MEI1: variants seen among roughly 807,000 people sequenced by gnomAD.
The protein encoded by MEI1 is meiosis inhibitor protein 1.
Under a neutral mutation model 146.2 loss-of-function variants are expected in MEI1, and 103 were observed. The ratio of observed to expected loss-of-function variants is 0.70; its 90% CI spans 0.60 to 0.83. The LOEUF (loss-of-function observed/expected upper bound fraction) is 0.83. Ranked by LOEUF, MEI1 falls within the 40% of genes least tolerant of loss-of-function variation. The probability of loss-of-function intolerance (pLI) is 0.00; values close to 1 mark genes in which losing one functional copy is unlikely to be tolerated. For missense variants in MEI1, 1,529 were observed against 1,533.0 expected (o/e 1.00, Z 0.04); for synonymous variants, 652 against 628.2 (o/e 1.04, Z -0.57).
intron 3 of MEI1, among the ~76,000 whole-genome samples, chr22:41,707,563 A>G (rs1440341657): frequency 2.0e-5 from 3 of 152,050 alleles, no homozygotes; most frequent in Non-Finnish European, 4.4e-5. Context: ...GGTCCTAGCT[A>G]CTCAGGAGAT....
intron 17 of MEI1, among the ~76,000 whole-genome samples, chr22:41,756,574 A>G (rs1375261240): frequency 1.3e-5 from 2 of 151,930 alleles, no homozygotes; most frequent in Non-Finnish European, 2.9e-5. Context: ...CCCGGGTTCA[A>G]GCAATTCTCC....
At chr22:41,760,125 C>A (rs187274110) in intron 18 of MEI1, among the ~76,000 whole-genome samples, 1 of 151,486 alleles carries the variant, frequency 6.6e-6, no homozygotes, top group African/African-American at 2.4e-5. Flanking sequence ...ATGGCTAACA[C>A]GGTGAAACCC....
intron 18 of MEI1, 120 bp downstream of exon 18, chr22:41,758,653 T>A: frequency 1.9e-6 from 2 of 1,042,384 alleles, no homozygotes; most frequent in Non-Finnish European, 2.7e-6. Context: ...CGGGGATAAG[T>A]AAGAAATGGG....
intron 20 of MEI1, chr22:41,774,577 C>T (rs2075348391): frequency 1.3e-5 from 2 of 152,278 alleles, no homozygotes; most frequent in African/African-American, 4.8e-5. Flanking sequence ...TTTTCTGAGT[C>T]TCTACAAGGT....
chr22:41,757,503 G>A (rs532428264), intron 17 of MEI1, among the ~76,000 whole-genome samples: 4 of 151,938 alleles, frequency 2.6e-5, no homozygotes, highest in East Asian at 1.9e-4. Context: ...GATTACAGGC[G>A]CCCGCCATCA....
intron 19 of MEI1, among the ~76,000 whole-genome samples, chr22:41,766,307 G>A (rs544318444): frequency 6.6e-6 from 1 of 152,086 alleles, no homozygotes; most frequent in Admixed American, 6.6e-5. Context: ...AAGTAGCTGG[G>A]ATTACAGGTG....
At chr22:41,716,854 T>C (rs2070251379) in intron 5 of MEI1, among the ~76,000 whole-genome samples, 1 of 151,830 alleles carries the variant, frequency 6.6e-6, no homozygotes, top group Admixed American at 6.6e-5. Context: ...CATGCCTGGC[T>C]AATTTTTTGT....
intron 3 of MEI1, among the ~76,000 whole-genome samples, chr22:41,710,908 C>T (rs1205042911): frequency 6.6e-6 from 1 of 152,148 alleles, no homozygotes; most frequent in Non-Finnish European, 1.5e-5. Context: ...AGGGAAAGTC[C>T]GTGTTGTTGA....
At chr22:41,705,048 G>A (rs2068983194) in intron 2 of MEI1, among the ~76,000 whole-genome samples, 1 of 152,212 alleles carries the variant, frequency 6.6e-6, no homozygotes, top group South Asian at 2.1e-4. Context: ...GCAGGTCATC[G>A]AAAGTCAAAG....
At chr22:41,768,559 T>G (rs536195166) in intron 19 of MEI1, among the ~76,000 whole-genome samples, 1 of 152,272 alleles carries the variant, frequency 6.6e-6, no homozygotes, top group South Asian at 2.1e-4. Context: ...GACAAGAGAT[T>G]TATGTGACTC....
chr22:41,786,606 G>C (rs1270746262), intron 26 of MEI1, among the ~76,000 whole-genome samples: 1 of 152,196 alleles, frequency 6.6e-6, no homozygotes, highest in African/African-American at 2.4e-5. Flanking sequence ...TCCCAGAATT[G>C]AGTCTCATTA....
chr22:41,795,848 G>A lies in MEI1; in HGVS notation c.3779+1G>A. On this transcript the variant is annotated splice_donor_variant, in intron 30 of 30. Coordinates refer to ENST00000401548, the MANE Select transcript of MEI1 (RefSeq NM_152513.4). LOFTEE classifies it high-confidence loss of function. This position sits in a 1 kb window ranked among gnomAD's most constrained non-coding sequence, Gnocchi z 4.2. ...GCCAGCCACCCCTGCAGGACATGCT[G>A]TATCCTTTCTTGCATCTATGATGAA... The A allele has an allele frequency of 1.2e-6, 2 of 1,613,476 alleles. No individual in the cohort carries two copies. The highest frequency in any genetic ancestry group is 1.3e-5 in the African/African-American group (1 of 74,958).
At chr22:41,699,816 C>T (rs1189551115) in intron 1 of MEI1, 104 bp downstream of exon 1, 2 of 1,356,932 alleles carry the variant, frequency 1.5e-6, no homozygotes, top group African/African-American at 2.9e-5. Flanking sequence ...CGACGCGAAA[C>T]CGGGCCCCCG....
At chr22:41,786,553 G>A (rs970666450) in intron 26 of MEI1, among the ~76,000 whole-genome samples, 29 of 152,190 alleles carry the variant, frequency 1.9e-4, no homozygotes, top group Non-Finnish European at 3.8e-4. Context: ...GTAGCTCCTA[G>A]CTTATATCCT....
intron 30 of MEI1, among the ~76,000 whole-genome samples, chr22:41,798,532 C>T (rs914280838): frequency 1.1e-4 from 16 of 151,168 alleles, no homozygotes; most frequent in Non-Finnish European, 2.1e-4. Context: ...GAGCCAAGAT[C>T]GCGCCACTGT....
intron 18 of MEI1, among the ~76,000 whole-genome samples, 162 bp from the exon 19 acceptor site, chr22:41,763,012 C>A (rs763184101): frequency 6.6e-6 from 1 of 152,150 alleles, no homozygotes; most frequent in African/African-American, 2.4e-5. Flanking sequence ...TATGGCAGTG[C>A]TTTGTAAGTA....
At chr22:41,798,694 C>A (rs531764731) in intron 30 of MEI1, among the ~76,000 whole-genome samples, 20 of 152,082 alleles carry the variant, frequency 1.3e-4, no homozygotes, top group African/African-American at 4.6e-4. Flanking sequence ...ATGGTAAAAC[C>A]CCATCTCTAC....
At chr22:41,753,823 G>A (rs1465131735) in intron 16 of MEI1, 126 bp from the exon 17 acceptor site, 4 of 718,568 alleles carry the variant, frequency 5.6e-6, no homozygotes, top group Non-Finnish European at 7.4e-6. Context: ...CTCTGCCACG[G>A]CCATGGCTAG....
intron 26 of MEI1, among the ~76,000 whole-genome samples, chr22:41,793,348 TG>T (rs1274581275): frequency 6.6e-6 from 1 of 152,168 alleles, no homozygotes; most frequent in African/African-American, 2.4e-5. Flanking sequence ...TCGCTCAGGC[TG>T]GAGTGCAAGT....
Sources: allele counts gnomAD v4.1 joint callset (sites outside exome capture counted in the v4.1 genomes callset), GRCh38; gene constraint gnomAD v4.1.1; non-coding constraint Gnocchi (gnomAD v3.1); transcripts MANE v1.5; gene names NCBI Gene and HGNC (gene_info 2026-07-23, HGNC 2026-07-21).